Variants in MINDY3 observed in about 807,000 individuals in gnomAD.
MINDY3 encodes the protein MINDY lysine 48 deubiquitinase 3.
MINDY3 carries 38 observed loss-of-function variants against 69.2 expected under a neutral mutation model. That is an observed-to-expected ratio of 0.55 (90% CI 0.42 to 0.72). The LOEUF (loss-of-function observed/expected upper bound fraction) is 0.72, where lower values mean the gene tolerates loss of function less well. Ranked by LOEUF, MINDY3 falls within the 30% of genes least tolerant of loss-of-function variation. The pLI is 0.00. For missense variants in MINDY3, 522 were observed against 519.0 expected, an observed-to-expected ratio of 1.01 and a Z score of -0.06; for synonymous variants, 192 against 180.1, an observed-to-expected ratio of 1.07 and a Z score of -0.53.
chr10:15,821,762 C>T, intron 8 of MINDY3, 36 bp from the exon 9 acceptor site: 1 of 1,563,462 alleles, frequency 6.4e-7, no homozygotes, highest in Non-Finnish European at 8.8e-7. Flanking sequence ...AAAACGAAAA[C>T]TTAGCATTGT....
At chr10:15,859,890 G>C (rs1162126703) in intron 1 of MINDY3, among the ~76,000 whole-genome samples, 1 of 152,212 alleles carries the variant, frequency 6.6e-6, no homozygotes, top group African/African-American at 2.4e-5. Flanking sequence ...GTGACACCGG[G>C]GCACGGGGCG....
chr10:15,778,932 G>C lies in MINDY3; in HGVS notation c.*60C>G. On this transcript the variant is annotated 3_prime_UTR_variant, in exon 15 of 15. Coordinates refer to ENST00000277632, the MANE Select transcript of MINDY3 (RefSeq NM_024948.4). ...TTTAGCTTAATCCAGCCAATTGCCAGTCTTGACTCCTTCTTTCAACATCTG... is the reference window on the plus strand; with the variant it reads ...TTTAGCTTAATCCAGCCAATTGCCACTCTTGACTCCTTCTTTCAACATCTG... 1 of 1,505,624 alleles carries C rather than the reference G, an allele frequency of 6.6e-7. No individual in the cohort carries two copies. Among genetic ancestry groups the C allele is most frequent in the South Asian group, 1.2e-5 (1 of 81,708 alleles). The allele number at this position is 1,505,624 out of a possible 1,614,324, so 93.3% of individuals were successfully genotyped here. A position where few individuals can be genotyped will look rare whatever the true frequency, so the allele number is the denominator to read the frequency against.
intron 6 of MINDY3, among the ~76,000 whole-genome samples, chr10:15,836,810 A>G (rs116555957): frequency 0.017 from 2,578 of 151,926 alleles, 68 homozygotes; most frequent in African/African-American, 0.057. Context: ...ACAAAACAAA[A>G]TAAGAATCGT....
intron 1 of MINDY3, among the ~76,000 whole-genome samples, chr10:15,852,788 C>T (rs1356702713): frequency 2.0e-5 from 3 of 152,018 alleles, no homozygotes; most frequent in African/African-American, 4.8e-5. Context: ...CCGTTCATAT[C>T]CATAGGTTTG....
intron 8 of MINDY3, among the ~76,000 whole-genome samples, chr10:15,826,985 T>C (rs1840124589): frequency 6.6e-6 from 1 of 151,898 alleles, no homozygotes; most frequent in Admixed American, 6.6e-5. Flanking sequence ...CCGGGCATGA[T>C]GGTGCACGTC....
chr10:15,855,553 G>A (rs1834630320), intron 1 of MINDY3, among the ~76,000 whole-genome samples: 1 of 152,026 alleles, frequency 6.6e-6, no homozygotes, highest in Admixed American at 6.6e-5. Context: ...ACAGATCACA[G>A]AAAAATCTTT....
chr10:15,822,302 C>T (rs773832764), intron 8 of MINDY3, among the ~76,000 whole-genome samples: 3 of 151,908 alleles, frequency 2.0e-5, no homozygotes, highest in Non-Finnish European at 2.9e-5. Flanking sequence ...TTACCAAAGA[C>T]GACAGATGAA....
At position 15,796,113 on chromosome 10, in the gene MINDY3, G is replaced by A; in HGVS notation, c.942C>T (p.Thr314=). 1 of 1,612,380 alleles carries A rather than the reference G, an allele frequency of 6.2e-7. No homozygotes were observed. The change falls in exon 11 of 15, where the codon ACC becomes ACT. Residue 314 remains threonine, a synonymous_variant. Coordinates refer to ENST00000277632, the MANE Select transcript of MINDY3 (RefSeq NM_024948.4). ...AAAATCTTTTACCTTCTGGGTCGTA[G>A]GTTTGAAAAACTCTTCTGGCTTGTT... is the stretch of plus-strand genomic sequence containing the variant. The part of the protein sequence containing the change: ...PSEQARRVFQ[T]YDPEDNGFIP...
Position 15,812,028 on chromosome 10 carries a change from G to A in MINDY3, c.882+4807C>T, listed in dbSNP as rs562849171. ...ACAATCTCAGCTCACTGCAACCTCC[G>A]TCCCCTGGGTTCAAGTGATTCTCCT... On this transcript the variant is annotated intron_variant, in intron 10 of 14. Coordinates refer to ENST00000277632, the MANE Select transcript of MINDY3 (RefSeq NM_024948.4). Among the ~76,000 whole-genome samples the A allele has an allele frequency of 9.2e-5, 14 of 151,962 alleles. No homozygotes were observed. In the South Asian group the frequency reaches 2.5e-3, roughly 27 times the overall value.
At chr10:15,812,591 C>A (rs78791207) in intron 10 of MINDY3, among the ~76,000 whole-genome samples, 1 of 152,132 alleles carries the variant, frequency 6.6e-6, no homozygotes, top group Admixed American at 6.6e-5. Flanking sequence ...GCAGTTTCTA[C>A]GTGGTGCATC....
intron 4 of MINDY3, among the ~76,000 whole-genome samples, chr10:15,839,299 C>A (rs899648638): frequency 4.0e-5 from 6 of 151,460 alleles, no homozygotes; most frequent in Non-Finnish European, 8.9e-5. Context: ...TAAGTTATTT[C>A]TTGGTTTATG....
rs540070022 is a variant in MINDY3 at position 15,820,197 on chromosome 10, C to T, written c.801+1459G>A. ...CTCTGAGGTACGATCTGCAGTCCAG[C>T]CTGAAGGGGACAGTGAGCCATCCAT... On this transcript the variant is annotated intron_variant, in intron 9 of 14. Coordinates refer to ENST00000277632, the MANE Select transcript of MINDY3 (RefSeq NM_024948.4). Among the ~76,000 whole-genome samples the T allele has an allele frequency of 2.6e-5, 4 of 152,234 alleles. No homozygotes were observed. The South Asian group carries it at 8.3e-4, about 32-fold the overall frequency.
At chr10:15,839,862 G>C (rs561202745) in intron 4 of MINDY3, among the ~76,000 whole-genome samples, 28 of 151,646 alleles carry the variant, frequency 1.8e-4, no homozygotes, top group African/African-American at 6.5e-4. Context: ...AAGTAAACTG[G>C]AAAAATTACT....
chr10:15,782,055 A>G, intron 14 of MINDY3, 100 bp downstream of exon 14: 1 of 856,620 alleles, frequency 1.2e-6, no homozygotes, highest in Non-Finnish European at 1.9e-6. Context: ...TCCTGGAATA[A>G]TCTTAGGTAG....
intron 1 of MINDY3, among the ~76,000 whole-genome samples, chr10:15,849,095 TATAAG>T (rs1834080446): frequency 6.6e-6 from 1 of 152,204 alleles, no homozygotes; most frequent in Admixed American, 6.5e-5. Flanking sequence ...AAACTAATGT[TATAAG>T]AGAAGAATGC....
chr10:15,805,418 C>T lies in MINDY3; in HGVS notation c.883-9246G>A, dbSNP rs140342431. Among the ~76,000 whole-genome samples the T allele has an allele frequency of 3.8e-3, 575 of 152,160 alleles. 3 individuals carry two copies. The highest frequency in any genetic ancestry group is 0.012 in the African/African-American group (510 of 41,522). On this transcript the variant is annotated intron_variant, in intron 10 of 14. Coordinates refer to ENST00000277632, the MANE Select transcript of MINDY3 (RefSeq NM_024948.4). ...ACAGAGAATAGTTATACTGGTAATA[C>T]AGATAGAGGTACCTGAAAAAATAAA...
intron 8 of MINDY3, among the ~76,000 whole-genome samples, chr10:15,832,135 G>A (rs559837937): frequency 1.1e-3 from 165 of 152,244 alleles, no homozygotes; most frequent in African/African-American, 3.8e-3. Context: ...TCCGGAGAAC[G>A]CGTAGAAAGA....
intron 12 of MINDY3, among the ~76,000 whole-genome samples, chr10:15,787,322 GGAA>G (rs778806157): frequency 8.0e-4 from 122 of 152,196 alleles, no homozygotes; most frequent in African/African-American, 1.6e-3. Context: ...CTAGAAAGAA[GGAA>G]GAAGAAGGCA....
chr10:15,849,889 C>G (rs759322155), intron 1 of MINDY3, among the ~76,000 whole-genome samples: 1 of 152,174 alleles, frequency 6.6e-6, no homozygotes, highest in Non-Finnish European at 1.5e-5. Flanking sequence ...TCTATATATG[C>G]CCTGTTTCAA....
Sources: gnomAD v4.1 joint callset for allele counts (sites outside exome capture counted in the v4.1 genomes callset) on GRCh38, gnomAD v4.1.1 for gene constraint, MANE v1.5 for transcripts, NCBI Gene and HGNC (gene_info 2026-07-23, HGNC 2026-07-21) for gene names.